PDSS2: variants seen among roughly 807,000 people sequenced by gnomAD.
PDSS2 encodes the protein decaprenyl diphosphate synthase subunit 2, also known as all trans-polyprenyl-diphosphate synthase PDSS2.
In PDSS2, 31 loss-of-function variants were observed where a neutral mutation model predicts 44.5. That is an observed-to-expected ratio of 0.70 (90% confidence interval 0.52 to 0.94). The LOEUF (loss-of-function observed/expected upper bound fraction) is 0.94. Ranked by LOEUF, PDSS2 falls within the 40% of genes least tolerant of loss-of-function variation. PDSS2 has a pLI of 0.00. For missense variants in PDSS2, 452 were observed against 482.2 expected (o/e 0.94, Z 0.59); for synonymous variants, 157 against 180.3 (o/e 0.87, Z 1.03).
intron 2 of PDSS2, among the ~76,000 whole-genome samples, chr6:107,299,146 C>CAAAAAAAAAAAAAA (rs71991148): frequency 5.6e-5 from 3 of 53,492 alleles, no homozygotes; most frequent in African/African-American, 8.4e-5. Context: ...GACCCTGTCT[C>CAAAAAAAAAAAAAA]AAAAAAAAAA....
chr6:107,268,686 T>C lies in PDSS2; in HGVS notation c.630+5343A>G, dbSNP rs1775490132. 1.3e-5 allele frequency among the ~76,000 whole-genome samples: 2 copies of C among 152,210 alleles called. 1 individual carries two copies. The highest frequency in any genetic ancestry group is 4.1e-4 in the South Asian group (2 of 4,838). On this transcript the variant is annotated intron_variant, in intron 3 of 7. Coordinates refer to ENST00000369037, the MANE Select transcript of PDSS2 (RefSeq NM_020381.4). ...AGAATGTGTTCATTAAAATACAGTA[T>C]TTAAAAATAAAACTGCCCGCAATAT... is the stretch of plus-strand genomic sequence containing the variant.
intron 1 of PDSS2, among the ~76,000 whole-genome samples, chr6:107,371,117 T>C (rs767320248): frequency 3.3e-5 from 5 of 151,538 alleles, no homozygotes; most frequent in Non-Finnish European, 5.9e-5. Context: ...GAGGTAGAGG[T>C]TGGAGTGAGC....
At chr6:107,296,928 C>T (rs1484993996) in intron 2 of PDSS2, among the ~76,000 whole-genome samples, 17 of 151,990 alleles carry the variant, frequency 1.1e-4, no homozygotes, top group South Asian at 2.1e-4. Flanking sequence ...GAGAAAAATA[C>T]GAAAATGAAA....
rs530353070 is a variant in PDSS2 at position 107,198,563 on chromosome 6, T to A, written c.1009-4709A>T. Reference sequence around the variant, plus strand: ...TCTATAGGTATATAATACATATATGTTTCCAGCTGATACATGGGTATAATA... The same window carrying A: ...TCTATAGGTATATAATACATATATGATTCCAGCTGATACATGGGTATAATA... On this transcript the variant is annotated intron_variant, in intron 6 of 7. Transcript: ENST00000369037. Among the ~76,000 whole-genome samples, 3 of 152,324 alleles carry A rather than the reference T, an allele frequency of 2.0e-5. No individual in the cohort carries two copies. The South Asian group carries it at 6.2e-4, about 32-fold the overall frequency.
At chr6:107,443,602 A>G (rs1298692767) in intron 1 of PDSS2, among the ~76,000 whole-genome samples, 1 of 152,226 alleles carries the variant, frequency 6.6e-6, no homozygotes, top group Non-Finnish European at 1.5e-5. Flanking sequence ...CAGATACTCT[A>G]TCATGGCAGA....
chr6:107,425,709 C>T (rs957591444), intron 1 of PDSS2, among the ~76,000 whole-genome samples: 1 of 152,168 alleles, frequency 6.6e-6, no homozygotes, highest in African/African-American at 2.4e-5. Context: ...CACCTGTAAT[C>T]CCAGCACTTT....
At chr6:107,358,053 T>G (rs1163489360) in intron 1 of PDSS2, among the ~76,000 whole-genome samples, 1 of 152,178 alleles carries the variant, frequency 6.6e-6, no homozygotes, top group Non-Finnish European at 1.5e-5. Context: ...ATCCAAAAAT[T>G]TTTGAGTGCT....
At chr6:107,297,014 C>T (rs1184994714) in intron 2 of PDSS2, among the ~76,000 whole-genome samples, 2 of 152,114 alleles carry the variant, frequency 1.3e-5, no homozygotes, top group Non-Finnish European at 2.9e-5. Flanking sequence ...TGCCACCATC[C>T]ACAAAGCACT....
intron 1 of PDSS2, among the ~76,000 whole-genome samples, chr6:107,338,270 T>C (rs1777968588): frequency 6.6e-6 from 1 of 152,218 alleles, no homozygotes; most frequent in African/African-American, 2.4e-5. Context: ...TGGAACACTC[T>C]AATTTTTTCT....
At chr6:107,430,642 C>G (rs765627308) in intron 1 of PDSS2, among the ~76,000 whole-genome samples, 1 of 152,112 alleles carries the variant, frequency 6.6e-6, no homozygotes, top group Non-Finnish European at 1.5e-5. Context: ...AACCCCATCT[C>G]TACTAAAAAT....
intron 1 of PDSS2, among the ~76,000 whole-genome samples, chr6:107,419,505 G>A (rs1780761190): frequency 6.6e-6 from 1 of 152,112 alleles, no homozygotes; most frequent in Non-Finnish European, 1.5e-5. Flanking sequence ...CTTACCTACT[G>A]ACAACTGACC....
intron 4 of PDSS2, among the ~76,000 whole-genome samples, chr6:107,226,755 C>T (rs1398014084): frequency 4.0e-5 from 6 of 151,052 alleles, no homozygotes; most frequent in Admixed American, 6.6e-5. Flanking sequence ...CTGCAACCTC[C>T]GCCTCTGGGG....
intron 7 of PDSS2, among the ~76,000 whole-genome samples, chr6:107,171,978 ACAGT>A (rs10558248): frequency 0.069 from 10,547 of 152,190 alleles, 1,220 homozygotes; most frequent in African/African-American, 0.24. Flanking sequence ...AGGTGAATTA[ACAGT>A]CAGTGTTTAA....
At chr6:107,287,165 G>A (rs1317164728) in intron 2 of PDSS2, among the ~76,000 whole-genome samples, 1 of 152,088 alleles carries the variant, frequency 6.6e-6, no homozygotes, top group East Asian at 1.9e-4. Context: ...TAGAAATTGG[G>A]GTCTCACACT....
intron 4 of PDSS2, among the ~76,000 whole-genome samples, chr6:107,237,007 C>T (rs1199574250): frequency 6.6e-6 from 1 of 151,382 alleles, no homozygotes; most frequent in Non-Finnish European, 1.5e-5. Context: ...GGCATATACT[C>T]ACTGCAGCCT....
At chr6:107,211,848 C>A (rs1383772695) in intron 5 of PDSS2, among the ~76,000 whole-genome samples, 1 of 151,298 alleles carries the variant, frequency 6.6e-6, no homozygotes, top group African/African-American at 2.4e-5. Context: ...TGTAAGAGTT[C>A]TCTCAAGAAC....
intron 4 of PDSS2, among the ~76,000 whole-genome samples, chr6:107,222,221 A>C (rs1415602997): frequency 6.6e-6 from 1 of 152,210 alleles, no homozygotes. Flanking sequence ...AATGTCTATA[A>C]ATCTCCACAT....
intron 2 of PDSS2, among the ~76,000 whole-genome samples, chr6:107,327,426 A>G (rs1220120282): frequency 2.6e-5 from 4 of 152,338 alleles, no homozygotes; most frequent in South Asian, 4.1e-4. Context: ...AGAAAAAGGA[A>G]TTGGTTGAAA....
At chr6:107,210,975 G>A (rs1773182271) in intron 5 of PDSS2, among the ~76,000 whole-genome samples, 3 of 147,968 alleles carry the variant, frequency 2.0e-5, no homozygotes, top group African/African-American at 7.5e-5. Context: ...CCCTCTGGGC[G>A]AGAGCAAAAC....
Sources: gnomAD v4.1 joint callset for allele counts (sites outside exome capture counted in the v4.1 genomes callset) on GRCh38, gnomAD v4.1.1 for gene constraint, MANE v1.5 for transcripts, NCBI Gene and HGNC (gene_info 2026-07-23, HGNC 2026-07-21) for gene names.